Variants in ROBO2 observed in about 807,000 individuals in gnomAD.
ROBO2 encodes the protein roundabout homolog 2.
ROBO2 carries 53 observed loss-of-function variants against 160.8 expected under a neutral mutation model. The ratio of observed to expected loss-of-function variants is 0.33; its 90% CI spans 0.26 to 0.41. The LOEUF (loss-of-function observed/expected upper bound fraction) is 0.41, where lower values mean the gene tolerates loss of function less well. Ranked by LOEUF, ROBO2 falls within the 10% of genes least tolerant of loss-of-function variation. The pLI is 1.00. For missense variants in ROBO2, 1,577 were observed against 1,722.4 expected, an observed-to-expected ratio of 0.92 and a Z score of 1.49; for synonymous variants, 664 against 611.7, an observed-to-expected ratio of 1.09 and a Z score of -1.26.
At chr3:77,081,057 G>A (rs754410331) in intron 1 of ROBO2, among the ~76,000 whole-genome samples, 2 of 152,034 alleles carry the variant, frequency 1.3e-5, no homozygotes, top group South Asian at 2.1e-4. Context: ...TTATACTCAC[G>A]TGCATGTTTG....
intron 2 of ROBO2, among the ~76,000 whole-genome samples, chr3:76,190,842 CAAAGAG>C (rs1575807522): frequency 6.6e-6 from 1 of 152,030 alleles, no homozygotes; most frequent in East Asian, 1.9e-4. Flanking sequence ...ATCTTGACGT[CAAAGAG>C]AGACACTATA....
chr3:76,567,775 G>C (rs2084676818), intron 2 of ROBO2, among the ~76,000 whole-genome samples: 5 of 77,212 alleles, frequency 6.5e-5, no homozygotes, highest in South Asian at 1.1e-3. Context: ...GTGTGTGTGT[G>C]TGTGTGTGTG....
intron 2 of ROBO2, among the ~76,000 whole-genome samples, chr3:76,580,328 G>GTTTTTTTTTTTT (rs748888426): frequency 4.2e-4 from 28 of 67,244 alleles, no homozygotes; most frequent in African/African-American, 5.7e-4. Context: ...TTTTTTTTTT[G>GTTTTTTTTTTTT]TTTTTTTTTT....
At chr3:77,418,282 G>A (rs184663619) in intron 2 of ROBO2, among the ~76,000 whole-genome samples, 44 of 152,200 alleles carry the variant, frequency 2.9e-4, no homozygotes, top group Admixed American at 2.7e-3. Flanking sequence ...TTCTAAATTA[G>A]CTTCTCCTCA....
chr3:76,794,296 A>C (rs1453148767), intron 2 of ROBO2, among the ~76,000 whole-genome samples: 1 of 151,970 alleles, frequency 6.6e-6, no homozygotes, highest in East Asian at 1.9e-4. Flanking sequence ...TGATCCTAGC[A>C]AGCTATTCAG....
intron 2 of ROBO2, among the ~76,000 whole-genome samples, chr3:76,737,593 A>G (rs1358493970): frequency 4.6e-5 from 7 of 152,180 alleles, no homozygotes; most frequent in Admixed American, 4.6e-4. Context: ...AGCTACTCCA[A>G]GCTCTATTTT....
At chr3:76,505,474 G>T (rs2080747547) in intron 2 of ROBO2, among the ~76,000 whole-genome samples, 1 of 152,132 alleles carries the variant, frequency 6.6e-6, no homozygotes, top group African/African-American at 2.4e-5. Context: ...GATCTTATTT[G>T]GAAACAGGGT....
At chr3:77,330,884 T>C (rs2065903586) in intron 2 of ROBO2, among the ~76,000 whole-genome samples, 1 of 152,228 alleles carries the variant, frequency 6.6e-6, no homozygotes, top group Admixed American at 6.5e-5. Flanking sequence ...TTAGCAATTC[T>C]AAGTTCCACC....
At chr3:76,517,508 T>C (rs997098129) in intron 2 of ROBO2, among the ~76,000 whole-genome samples, 7 of 152,130 alleles carry the variant, frequency 4.6e-5, no homozygotes, top group East Asian at 1.9e-4. Context: ...CAGCGTCACA[T>C]AGATGGCAGC....
At chr3:76,185,215 T>TATATATATATATATATATATATACACAC in intron 2 of ROBO2, among the ~76,000 whole-genome samples, 34 of 90,280 alleles carry the variant, frequency 3.8e-4, no homozygotes, top group African/African-American at 7.6e-4. Flanking sequence ...TATATATATA[T>TATATATATATATATATATATATACACAC]ACACACACAA....
In ROBO2 at chr3:76,893,206, A is replaced by G. The variant is rs191004350; in HGVS notation, c.110-204808A>G. Among the ~76,000 whole-genome samples, 422 of 152,246 alleles carry G rather than the reference A, an allele frequency of 2.8e-3. 2 individuals carry two copies. The highest frequency in any genetic ancestry group is 4.0e-3 in the Non-Finnish European group (270 of 68,012). On this transcript the variant is annotated intron_variant, in intron 2 of 26. Transcript: ENST00000487694. ...ATCTCTTCCCCTTTGGGCCAGACAC[A>G]CACACACATACACATGCATTCAAAT...
At chr3:76,379,264 T>C (rs1469178784) in intron 2 of ROBO2, among the ~76,000 whole-genome samples, 1 of 152,170 alleles carries the variant, frequency 6.6e-6, no homozygotes, top group East Asian at 1.9e-4. Context: ...CTCAATGTAG[T>C]CCTGTAAAAT....
intron 2 of ROBO2, among the ~76,000 whole-genome samples, chr3:76,500,598 G>A (rs1254700465): frequency 2.0e-5 from 3 of 152,090 alleles, no homozygotes; most frequent in Non-Finnish European, 4.4e-5. Context: ...GGAGAAGGGG[G>A]TACCACATTT....
At chr3:75,981,055 A>G (rs676825) in intron 2 of ROBO2, among the ~76,000 whole-genome samples, 116,974 of 151,322 alleles carry the variant, frequency 0.77, 46,388 homozygotes, top group East Asian at 0.97. Context: ...TCAAATATTA[A>G]CCAAGTATTT....
intron 2 of ROBO2, among the ~76,000 whole-genome samples, chr3:76,770,544 T>C (rs1490856957): frequency 6.6e-6 from 1 of 151,170 alleles, no homozygotes; most frequent in Non-Finnish European, 1.5e-5. Context: ...TTTTCACAGT[T>C]TGACTTCCCC....
rs58067242 is a variant in ROBO2, at chr3:76,608,036, G to A, written c.110-489978G>A. Among the ~76,000 whole-genome samples the A allele has an allele frequency of 6.6e-3, 1,011 of 152,242 alleles. 9 individuals are homozygous for A. The highest frequency in any genetic ancestry group is 0.025 in the South Asian group (121 of 4,828). The stretch of plus-strand genomic sequence containing the variant: ...GATTTTCTTTAAAGAGAAAAACAAA[G>A]CAAACAAACAAAACCCTCTGCTTAC... On this transcript the variant is annotated intron_variant, in intron 2 of 26. Coordinates refer to the ROBO2 transcript ENST00000487694.
chr3:77,438,600 A>C (rs1342398068), intron 2 of ROBO2, among the ~76,000 whole-genome samples: 1 of 151,814 alleles, frequency 6.6e-6, no homozygotes, highest in Non-Finnish European at 1.5e-5. Context: ...TGTATATTAC[A>C]TATTAGATTA....
chr3:76,098,899 C>T (rs2069567678), intron 2 of ROBO2, among the ~76,000 whole-genome samples: 1 of 152,122 alleles, frequency 6.6e-6, no homozygotes, highest in Admixed American at 6.6e-5. Flanking sequence ...AACAACATCT[C>T]ATATTTTTCT....
At chr3:77,515,219 TTTGA>T (rs1282228204) in intron 5 of ROBO2, among the ~76,000 whole-genome samples, 2 of 151,732 alleles carry the variant, frequency 1.3e-5, no homozygotes, top group African/African-American at 4.8e-5. Flanking sequence ...GGTATCATAA[TTTGA>T]TTGAGTCTTC....
Sources: allele counts gnomAD v4.1 joint callset (sites outside exome capture counted in the v4.1 genomes callset), GRCh38; gene constraint gnomAD v4.1.1; transcripts MANE v1.5; gene names NCBI Gene and HGNC (gene_info 2026-07-23, HGNC 2026-07-21).